SHROOM3: variants seen among roughly 807,000 people sequenced by gnomAD.
SHROOM3 encodes the protein protein Shroom3.
A neutral mutation model predicts 138.6 loss-of-function variants in SHROOM3; 47 were observed. The observed-to-expected ratio is 0.34, with a 90% CI of 0.27 to 0.43. The LOEUF (loss-of-function observed/expected upper bound fraction) is 0.43. Ranked by LOEUF, SHROOM3 falls within the 20% of genes least tolerant of loss-of-function variation. The probability of loss-of-function intolerance (pLI) is 1.00; values close to 1 mark genes in which losing one functional copy is unlikely to be tolerated. For synonymous variants in SHROOM3, 1,062 were observed against 1,063.3 expected, an observed-to-expected ratio of 1.00 and a Z score of 0.02; for missense variants, 2,491 against 2,596.5, an observed-to-expected ratio of 0.96 and a Z score of 0.88.
intron 2 of SHROOM3, among the ~76,000 whole-genome samples, chr4:76,652,833 A>G (rs1295001180): frequency 2.6e-5 from 4 of 152,070 alleles, no homozygotes; most frequent in Non-Finnish European, 4.4e-5. Context: ...ACACACACAT[A>G]TATAAAACAT....
Position 76,756,801 on chromosome 4 carries a change from C to T in SHROOM3, c.5062C>T (p.Pro1688Ser). The change falls in exon 8 of 11, where the codon CCA (proline) becomes TCA (serine). Residue 1688 changes from proline to serine, a missense_variant. Physicochemically the swap from Pro to Ser is moderately conservative, Grantham distance 74. Coordinates refer to ENST00000296043, the MANE Select transcript of SHROOM3 (RefSeq NM_020859.4). ...QDKSLADILD[P>S]DSRLKTTMDL... ...CAAATCTCTAGCAGACATTTTGGAT[C>T]CAGACTCCAGGCTGAAGACAACAAT... 6.2e-7 allele frequency: 1 copy of T among 1,614,046 alleles called. No homozygotes were observed. The highest frequency in any genetic ancestry group is 8.5e-7 in the Non-Finnish European group (1 of 1,180,008).
intron 2 of SHROOM3, among the ~76,000 whole-genome samples, chr4:76,638,245 C>T (rs1339855253): frequency 6.6e-6 from 1 of 152,102 alleles, no homozygotes; most frequent in Non-Finnish European, 1.5e-5. Flanking sequence ...TTAGCTATTT[C>T]CAATGCATGG....
At chr4:76,649,844 C>A (rs907373736) in intron 2 of SHROOM3, among the ~76,000 whole-genome samples, 1 of 152,136 alleles carries the variant, frequency 6.6e-6, no homozygotes, top group African/African-American at 2.4e-5. Context: ...TTTCTTATCA[C>A]CATCTGCATT....
chr4:76,747,352 A>C (rs753944874), intron 5 of SHROOM3, among the ~76,000 whole-genome samples: 23 of 152,298 alleles, frequency 1.5e-4, no homozygotes, highest in Non-Finnish European at 3.2e-4. Context: ...GAAATGCAAT[A>C]GGAATTTATC....
intron 1 of SHROOM3, among the ~76,000 whole-genome samples, chr4:76,439,498 T>G (rs1237921587): frequency 6.6e-6 from 1 of 152,178 alleles, no homozygotes; most frequent in Admixed American, 6.5e-5. Flanking sequence ...TAGAAGTCTA[T>G]GTAATTAAGG....
chr4:76,440,235 G>T (rs1255074934), intron 1 of SHROOM3, among the ~76,000 whole-genome samples: 1 of 152,168 alleles, frequency 6.6e-6, no homozygotes, highest in Admixed American at 6.5e-5. Flanking sequence ...TTCACAGAGA[G>T]GGTAACACTC....
At chr4:76,614,148 C>T (rs929251925) in intron 2 of SHROOM3, among the ~76,000 whole-genome samples, 4 of 152,170 alleles carry the variant, frequency 2.6e-5, no homozygotes, top group East Asian at 1.9e-4. Context: ...CTCCGCCTCC[C>T]GGGTTCACAC....
chr4:76,537,634 A>T (rs1374461092), intron 1 of SHROOM3, among the ~76,000 whole-genome samples: 1 of 152,166 alleles, frequency 6.6e-6, no homozygotes, highest in East Asian at 1.9e-4. Flanking sequence ...AGAGCAATTT[A>T]GGCTTTGCTG....
chr4:76,553,822 A>G (rs904659126), intron 1 of SHROOM3, among the ~76,000 whole-genome samples: 1 of 152,156 alleles, frequency 6.6e-6, no homozygotes, highest in Admixed American at 6.5e-5. Context: ...TAAGAGCAAT[A>G]TTAGGTTCAT....
Position 76,759,638 on chromosome 4 carries a change from A to G in SHROOM3, c.5292A>G (p.Lys1764=). The G allele has an allele frequency of 1.9e-6, 3 of 1,614,226 alleles. No homozygotes were observed. Among genetic ancestry groups the G allele is most frequent in the South Asian group, 1.1e-5 (1 of 91,084 alleles). The part of the protein sequence containing the change: ...APKAELLNKI[K]EMPAEVNEEE... ...AGGCTGAGCTACTGAACAAAATCAA[A>G]GAGATGCCAGCAGAAGTGAATGAGG... The change falls in exon 9 of 11, where the codon AAA becomes AAG. Residue 1764 remains lysine, a synonymous_variant. Coordinates refer to ENST00000296043, the MANE Select transcript of SHROOM3 (RefSeq NM_020859.4).
chr4:76,629,578 A>G (rs1242092537), intron 2 of SHROOM3, among the ~76,000 whole-genome samples: 1 of 152,238 alleles, frequency 6.6e-6, no homozygotes, highest in Admixed American at 6.5e-5. Context: ...AGGCTGTGGC[A>G]CGGATCCAGG....
chr4:76,714,063 A>C (rs1577990721), intron 3 of SHROOM3, among the ~76,000 whole-genome samples: 1 of 152,174 alleles, frequency 6.6e-6, no homozygotes, highest in East Asian at 1.9e-4. Flanking sequence ...AAAGTTGTAA[A>C]AATAGTACAG....
intron 2 of SHROOM3, among the ~76,000 whole-genome samples, chr4:76,680,814 T>C (rs1318958083): frequency 1.3e-5 from 2 of 152,124 alleles, no homozygotes; most frequent in Non-Finnish European, 2.9e-5. Flanking sequence ...CCTATTCTGC[T>C]TCAGAGACTA....
intron 1 of SHROOM3, among the ~76,000 whole-genome samples, chr4:76,445,802 A>G (rs1730793013): frequency 6.6e-6 from 1 of 152,120 alleles, no homozygotes; most frequent in South Asian, 2.1e-4. Flanking sequence ...GGTTTTTAGT[A>G]CTGGCTCTTA....
chr4:76,679,427 T>C (rs529046836), intron 2 of SHROOM3, among the ~76,000 whole-genome samples: 6 of 152,340 alleles, frequency 3.9e-5, no homozygotes, highest in Admixed American at 3.3e-4. Context: ...CAGTATTTGT[T>C]AAAATACAAG....
chr4:76,724,378 T>C (rs1217499889), intron 3 of SHROOM3, among the ~76,000 whole-genome samples: 1 of 152,216 alleles, frequency 6.6e-6, no homozygotes, highest in Non-Finnish European at 1.5e-5. Context: ...TAGGAATGCT[T>C]ATTAAATGTT....
chr4:76,460,295 G>A (rs1342695717), intron 1 of SHROOM3, among the ~76,000 whole-genome samples: 2 of 152,120 alleles, frequency 1.3e-5, no homozygotes, highest in East Asian at 1.9e-4. Flanking sequence ...TCCCTCTTAT[G>A]TATAATCTGG....
intron 1 of SHROOM3, among the ~76,000 whole-genome samples, chr4:76,491,415 T>A (rs1419198854): frequency 6.6e-6 from 1 of 152,220 alleles, no homozygotes; most frequent in Non-Finnish European, 1.5e-5. Context: ...AGCCTTTGTT[T>A]TACTACACAG....
intron 1 of SHROOM3, among the ~76,000 whole-genome samples, chr4:76,493,486 A>G (rs905987358): frequency 3.3e-5 from 5 of 152,124 alleles, no homozygotes; most frequent in African/African-American, 1.2e-4. Flanking sequence ...GAGGAGCTGC[A>G]GAGGATTCTT....
Sources: allele counts gnomAD v4.1 joint callset (sites outside exome capture counted in the v4.1 genomes callset), GRCh38; gene constraint gnomAD v4.1.1; transcripts MANE v1.5; gene names NCBI Gene and HGNC (gene_info 2026-07-23, HGNC 2026-07-21).